The following PDE10A variants were observed in gnomAD, a reference collection of about 807,000 sequenced individuals.
PDE10A encodes the protein phosphodiesterase 10A, also known as cAMP and cAMP-inhibited cGMP 3',5'-cyclic phosphodiesterase 10A.
A neutral mutation model predicts 97.7 loss-of-function variants in PDE10A; 39 were observed. The observed-to-expected ratio is 0.40, with a 90% CI of 0.31 to 0.52. PDE10A has a LOEUF of 0.52. PDE10A is among the 20% of genes least tolerant of loss of function. The probability of loss-of-function intolerance (pLI) is 0.56; values close to 1 mark genes in which losing one functional copy is unlikely to be tolerated. For synonymous variants in PDE10A, 371 were observed against 376.8 expected, an observed-to-expected ratio of 0.98 and a Z score of 0.18; for missense variants, 731 against 1,047.8, an observed-to-expected ratio of 0.70 and a Z score of 4.17.
At chr6:165,620,509 C>T (rs982150001) in intron 1 of PDE10A, among the ~76,000 whole-genome samples, 3 of 152,028 alleles carry the variant, frequency 2.0e-5, no homozygotes, top group African/African-American at 7.3e-5. Flanking sequence ...TAGAAACAGC[C>T]GAGGAAATGG....
At chr6:165,755,535 T>A (rs1793097728) in intron 1 of PDE10A, among the ~76,000 whole-genome samples, 1 of 152,168 alleles carries the variant, frequency 6.6e-6, no homozygotes, top group Non-Finnish European at 1.5e-5. Context: ...AAAATTCTAG[T>A]CTTTATTATC....
At chr6:165,876,899 G>A (rs1345620191) in intron 1 of PDE10A, among the ~76,000 whole-genome samples, 2 of 152,190 alleles carry the variant, frequency 1.3e-5, no homozygotes, top group South Asian at 2.1e-4. Context: ...GCAGCTGTAC[G>A]AAAACAAATT....
intron 1 of PDE10A, among the ~76,000 whole-genome samples, chr6:165,848,921 G>C (rs1780497286): frequency 6.6e-6 from 1 of 152,194 alleles, no homozygotes; most frequent in Admixed American, 6.5e-5. Context: ...TCTGGAAGGA[G>C]CCAGCCTGTG....
At chr6:165,980,285 G>A (rs1784973846) in intron 1 of PDE10A, among the ~76,000 whole-genome samples, 1 of 152,220 alleles carries the variant, frequency 6.6e-6, no homozygotes, top group Non-Finnish European at 1.5e-5. Context: ...ATGGCCTTCG[G>A]TAGAGTTCAA....
At chr6:165,875,733 T>TTTTTTTTG (rs1361106171) in intron 1 of PDE10A, among the ~76,000 whole-genome samples, 1,475 of 79,946 alleles carry the variant, frequency 0.018, 19 homozygotes, top group African/African-American at 0.061. Context: ...CTTTTACTGT[T>TTTTTTTTG]TTTTTTTTTT....
intron 1 of PDE10A, among the ~76,000 whole-genome samples, chr6:165,836,467 G>A (rs1780066206): frequency 6.6e-6 from 1 of 152,220 alleles, no homozygotes; most frequent in African/African-American, 2.4e-5. Flanking sequence ...CCAGCGGTCA[G>A]GCAGCTCTTC....
intron 13 of PDE10A, among the ~76,000 whole-genome samples, chr6:165,410,555 A>G (rs1170591240): frequency 6.6e-6 from 1 of 152,178 alleles, no homozygotes. Context: ...GACAGACAGA[A>G]TGAACGGACG....
intron 1 of PDE10A, among the ~76,000 whole-genome samples, chr6:165,882,516 C>T (rs755344934): frequency 2.6e-5 from 4 of 152,144 alleles, no homozygotes; most frequent in African/African-American, 4.8e-5. Flanking sequence ...AAAAGGATAA[C>T]AAGACCTTCT....
chr6:165,556,952 CA>C (rs1261701602), intron 1 of PDE10A, among the ~76,000 whole-genome samples: 2 of 151,904 alleles, frequency 1.3e-5, no homozygotes, highest in Admixed American at 6.6e-5. Flanking sequence ...CCAGCCTGGC[CA>C]AAATGGTAAA....
At chr6:165,656,819 G>A (rs1001741754) in intron 1 of PDE10A, among the ~76,000 whole-genome samples, 6 of 152,164 alleles carry the variant, frequency 3.9e-5, no homozygotes, top group Non-Finnish European at 8.8e-5. Flanking sequence ...TCTGCAGAGC[G>A]CCCTACAGCC....
intron 2 of PDE10A, among the ~76,000 whole-genome samples, chr6:165,525,088 A>G (rs1410930848): frequency 1.3e-5 from 2 of 152,026 alleles, no homozygotes; most frequent in African/African-American, 2.4e-5. Context: ...GCCACCCCCA[A>G]TACTCCTTTG....
chr6:165,418,607 G>T lies in PDE10A; in HGVS notation c.1796+28C>A. The stretch of plus-strand genomic sequence containing the variant: ...GAACGCCTGCACATCTACCGTAAGA[G>T]GATAGGACATTCTACTTCTAGCTGT... On this transcript the variant is annotated intron_variant, in intron 11 of 21. Coordinates refer to ENST00000539869, the MANE Select transcript of PDE10A (RefSeq NM_001385079.1). This position sits in a 1 kb window ranked among gnomAD's most constrained non-coding sequence, Gnocchi z 4.8. 6.2e-7 allele frequency: 1 copy of T among 1,605,500 alleles called. No homozygotes were observed. The highest frequency in any genetic ancestry group is 8.5e-7 in the Non-Finnish European group (1 of 1,177,094).
intron 1 of PDE10A, among the ~76,000 whole-genome samples, chr6:165,978,388 T>G (rs1784909951): frequency 6.6e-6 from 1 of 152,228 alleles, no homozygotes; most frequent in Admixed American, 6.5e-5. Context: ...CAGAGTTTAT[T>G]ACTACTTCTC....
chr6:165,618,840 G>A (rs938876138), intron 1 of PDE10A, among the ~76,000 whole-genome samples: 8 of 152,200 alleles, frequency 5.3e-5, no homozygotes, highest in South Asian at 2.1e-4. Context: ...TTGAGAGAGC[G>A]CATTAAATGA....
At position 165,662,425 on chromosome 6, in the gene PDE10A, A is replaced by G. The variant is rs1790327470; in HGVS notation, c.387T>C (p.Phe129=). ...WPPPPPPPPS[F]LPSSSAFHLP... ...GGTGAAAGGCAGATGAGGAGGGGAGAAAAGAGGGAGGGGGCGGGGGGGGCG... is the reference window on the plus strand; with the variant it reads ...GGTGAAAGGCAGATGAGGAGGGGAGGAAAGAGGGAGGGGGCGGGGGGGGCG... The change falls in exon 1 of 22, where the codon TTT becomes TTC. Residue 129 remains phenylalanine, a synonymous_variant. Coordinates refer to ENST00000539869, the MANE Select transcript of PDE10A (RefSeq NM_001385079.1). The G allele has an allele frequency of 6.8e-6, 1 of 147,726 alleles. No homozygotes were observed. The highest frequency in any genetic ancestry group is 1.8e-4 in the South Asian group (1 of 5,482). 9.2% of individuals were successfully genotyped at this position (147,726 alleles called of 1,614,324 possible).
intron 1 of PDE10A, among the ~76,000 whole-genome samples, chr6:165,965,938 G>T (rs1465689248): frequency 6.6e-6 from 1 of 152,166 alleles, no homozygotes; most frequent in Admixed American, 6.5e-5. Context: ...AAAACATTCA[G>T]TAAACTATAT....
chr6:165,969,205 G>C (rs959708966), intron 1 of PDE10A, among the ~76,000 whole-genome samples: 1 of 152,200 alleles, frequency 6.6e-6, no homozygotes, highest in Admixed American at 6.5e-5. Context: ...ACAAATGTAA[G>C]TAACAGAAAT....
intron 2 of PDE10A, among the ~76,000 whole-genome samples, chr6:165,507,123 T>C (rs1254686767): frequency 3.9e-5 from 6 of 152,160 alleles, no homozygotes; most frequent in Admixed American, 1.3e-4. Context: ...CCTGTACTTG[T>C]GTTTCATGCT....
rs1782123842 is a variant in PDE10A at position 165,521,443 on chromosome 6, AG to A, written c.994+21996del. 3.3e-5 allele frequency among the ~76,000 whole-genome samples: 5 copies of A among 152,354 alleles called. No homozygotes were observed. The South Asian group carries it at 6.2e-4, about 19-fold the overall frequency. ...AGGAAGGCACGTCAAAAGCTGGGAC[AG>A]GACTGAAGCTAGGCCTCTTGCACTA... On this transcript the variant is annotated intron_variant, in intron 2 of 21. Transcript: ENST00000539869.
Sources: allele counts gnomAD v4.1 joint callset (sites outside exome capture counted in the v4.1 genomes callset), GRCh38; gene constraint gnomAD v4.1.1; non-coding constraint Gnocchi (gnomAD v3.1); transcripts MANE v1.5; gene names NCBI Gene and HGNC (gene_info 2026-07-23, HGNC 2026-07-21).